The following ADGRL2 variants were observed in gnomAD, a reference collection of about 807,000 sequenced individuals.
ADGRL2 encodes the protein calcium-independent alpha-latrotoxin receptor 2.
In ADGRL2, 44 loss-of-function variants were observed where a neutral mutation model predicts 157.4. That is an observed-to-expected ratio of 0.28 (90% CI 0.22 to 0.36). ADGRL2 has a LOEUF of 0.36. ADGRL2 is among the 10% of genes least tolerant of loss of function. The pLI is 1.00. For synonymous variants in ADGRL2, 585 were observed against 624.7 expected, an observed-to-expected ratio of 0.94 and a Z score of 0.95; for missense variants, 1,510 against 1,768.9, an observed-to-expected ratio of 0.85 and a Z score of 2.63.
At chr1:81,430,863 C>T (rs2077307196) in intron 1 of ADGRL2, among the ~76,000 whole-genome samples, 1 of 152,098 alleles carries the variant, frequency 6.6e-6, no homozygotes, top group Non-Finnish European at 1.5e-5. Context: ...AATGCACTCC[C>T]AAGTATTTAT....
chr1:81,949,909 A>G (rs1292356774), intron 6 of ADGRL2, among the ~76,000 whole-genome samples: 1 of 152,234 alleles, frequency 6.6e-6, no homozygotes, highest in Non-Finnish European at 1.5e-5. Context: ...GTACTATCAC[A>G]TATTTCATTG....
intron 3 of ADGRL2, among the ~76,000 whole-genome samples, chr1:81,666,381 G>A (rs534300427): frequency 2.6e-5 from 4 of 152,282 alleles, no homozygotes; most frequent in African/African-American, 9.6e-5. Context: ...AATACAAGGA[G>A]GATGCTGCTA....
intron 1 of ADGRL2, among the ~76,000 whole-genome samples, chr1:81,334,117 T>C (rs575159416): frequency 4.6e-5 from 7 of 152,204 alleles, no homozygotes; most frequent in East Asian, 1.9e-4. Flanking sequence ...CACAGGACTT[T>C]TCCTGATAGT....
chr1:81,458,797 A>G (rs1156472840), intron 2 of ADGRL2, among the ~76,000 whole-genome samples: 1 of 152,194 alleles, frequency 6.6e-6, no homozygotes, highest in Admixed American at 6.5e-5. Flanking sequence ...CTGAGCCCCC[A>G]GGAAATGTTA....
chr1:81,702,214 AGGTGGATATGG>A (rs1393782793), intron 1 of ADGRL2, among the ~76,000 whole-genome samples: 2 of 152,212 alleles, frequency 1.3e-5, no homozygotes, highest in Non-Finnish European at 2.9e-5. Flanking sequence ...CACAACATGT[AGGTGGATATGG>A]GGCACTTTAC....
intron 3 of ADGRL2, among the ~76,000 whole-genome samples, chr1:81,924,737 T>G (rs1397834059): frequency 6.6e-6 from 1 of 152,018 alleles, no homozygotes; most frequent in Non-Finnish European, 1.5e-5. Flanking sequence ...TTTCAGGGGT[T>G]TGGAGCCGAA....
intron 2 of ADGRL2, among the ~76,000 whole-genome samples, chr1:81,561,467 T>G (rs1005271827): frequency 2.2e-5 from 3 of 139,124 alleles, no homozygotes; most frequent in African/African-American, 8.8e-5. Context: ...GTTGTTTTTG[T>G]TTTTTTTTTT....
intron 1 of ADGRL2, among the ~76,000 whole-genome samples, chr1:81,358,399 A>G (rs1045791607): frequency 6.6e-6 from 1 of 152,192 alleles, no homozygotes; most frequent in African/African-American, 2.4e-5. Context: ...CTCAGGGTAA[A>G]GTACAAGCAT....
chr1:81,320,083 A>AT (rs1317434783), intron 1 of ADGRL2, among the ~76,000 whole-genome samples: 1 of 152,194 alleles, frequency 6.6e-6, no homozygotes, highest in African/African-American at 2.4e-5. Context: ...CTTTGTTGTC[A>AT]TTTCAACAAT....
intron 2 of ADGRL2, among the ~76,000 whole-genome samples, chr1:81,513,526 G>T (rs141142570): frequency 5.5e-4 from 83 of 152,276 alleles, no homozygotes; most frequent in East Asian, 1.5e-3. Flanking sequence ...GGCTCAGTGA[G>T]GGAAGGACTA....
intron 2 of ADGRL2, among the ~76,000 whole-genome samples, chr1:81,888,092 C>G (rs2094169374): frequency 6.6e-6 from 1 of 152,092 alleles, no homozygotes; most frequent in Non-Finnish European, 1.5e-5. Flanking sequence ...AGGATTAGCT[C>G]TCCTTTTAGA....
At chr1:81,936,444 A>T (rs2095311915) in intron 3 of ADGRL2, among the ~76,000 whole-genome samples, 1 of 151,900 alleles carries the variant, frequency 6.6e-6, no homozygotes, top group African/African-American at 2.4e-5. Context: ...TTCATGTTGA[A>T]TATATCAAAA....
At chr1:81,978,016 T>C (rs939730800) in intron 17 of ADGRL2, among the ~76,000 whole-genome samples, 3 of 151,814 alleles carry the variant, frequency 2.0e-5, no homozygotes, top group Middle Eastern at 3.4e-3. Flanking sequence ...AGGATGTTTA[T>C]AGAGTTCTTG....
intron 1 of ADGRL2, among the ~76,000 whole-genome samples, chr1:81,345,483 C>T (rs967926479): frequency 2.0e-5 from 3 of 152,078 alleles, no homozygotes; most frequent in Admixed American, 6.6e-5. Context: ...AAAATCAATC[C>T]CTTCCTCAAA....
chr1:81,728,567 G>C (rs149848298), intron 1 of ADGRL2, among the ~76,000 whole-genome samples: 2 of 151,968 alleles, frequency 1.3e-5, no homozygotes, highest in Admixed American at 6.6e-5. Context: ...AAGCACAATC[G>C]AAGTTTATTA....
intron 1 of ADGRL2, among the ~76,000 whole-genome samples, chr1:81,374,078 C>A (rs1202230928): frequency 1.3e-5 from 2 of 151,102 alleles, no homozygotes; most frequent in Non-Finnish European, 3.0e-5. Flanking sequence ...AATACACATA[C>A]ACACACACAC....
intron 2 of ADGRL2, among the ~76,000 whole-genome samples, chr1:81,789,372 T>A (rs909554997): frequency 1.3e-5 from 2 of 152,202 alleles, no homozygotes; most frequent in Admixed American, 1.3e-4. Context: ...TAAAATGATG[T>A]TTAGTATAAT....
rs767572804 is a variant in ADGRL2, at chr1:81,970,444, A to C, written c.2864A>C (p.Lys955Thr). The C allele has an allele frequency of 3.5e-5, 54 of 1,560,264 alleles. No individual in the cohort carries two copies. In the South Asian group the frequency reaches 5.7e-4, roughly 17 times the overall value. ...EVFESEYSRK[K>T]YYYVAGYLFP... Reference sequence around the variant, plus strand: ...TTTGAAAGTGAATATTCAAGGAAAAAATATTACTATGTTGCTGGTTACTTG... The same window carrying C: ...TTTGAAAGTGAATATTCAAGGAAAACATATTACTATGTTGCTGGTTACTTG... The change falls in exon 16 of 24, where the codon AAA (lysine) becomes ACA (threonine). Residue 955 changes from lysine (K) to threonine (T), a missense_variant. By Grantham distance (78) the Lys-to-Thr change is moderately conservative. Transcript: ENST00000686636.
chr1:81,544,294 A>G (rs2079960677), intron 2 of ADGRL2, among the ~76,000 whole-genome samples: 1 of 152,222 alleles, frequency 6.6e-6, no homozygotes. Context: ...TGGGTTGTCA[A>G]TAAATATTTA....
Sources: allele counts gnomAD v4.1 joint callset (sites outside exome capture counted in the v4.1 genomes callset), GRCh38; gene constraint gnomAD v4.1.1; transcripts MANE v1.5; gene names NCBI Gene and HGNC (gene_info 2026-07-23, HGNC 2026-07-21).